The following WDPCP variants were observed in gnomAD, a reference collection of about 807,000 sequenced individuals.
WDPCP encodes WD repeat-containing and planar cell polarity effector protein fritz homolog.
WDPCP carries 71 observed loss-of-function variants against 93.1 expected under a neutral mutation model. That is an observed-to-expected ratio of 0.76 (90% CI 0.63 to 0.93). The LOEUF (loss-of-function observed/expected upper bound fraction) is 0.93, where lower values mean the gene tolerates loss of function less well. Among genes scored for constraint, WDPCP ranks in the 40% least tolerant of loss-of-function variants. The pLI is 0.00. For synonymous variants in WDPCP, 315 were observed against 315.0 expected (o/e 1.00, Z 0.00); for missense variants, 844 against 887.4 (o/e 0.95, Z 0.62).
chr2:63,617,239 T>C (rs1709681699), intron 3 of WDPCP, among the ~76,000 whole-genome samples: 1 of 152,234 alleles, frequency 6.6e-6, no homozygotes. Context: ...TCAATTCAGC[T>C]ATGAAATTGA....
intron 3 of WDPCP, among the ~76,000 whole-genome samples, chr2:63,603,395 T>C (rs1709466383): frequency 6.6e-6 from 1 of 152,220 alleles, no homozygotes; most frequent in South Asian, 2.1e-4. Flanking sequence ...TTATGTGTGC[T>C]AAAGCTACAG....
intron 2 of WDPCP, among the ~76,000 whole-genome samples, chr2:63,657,551 A>T (rs1710183646): frequency 6.6e-6 from 1 of 152,010 alleles, no homozygotes. Context: ...TGTTCTGTGG[A>T]GAATAGACTG....
At chr2:63,323,838 CTAG>C (rs1161541885) in intron 12 of WDPCP, among the ~76,000 whole-genome samples, 2 of 152,088 alleles carry the variant, frequency 1.3e-5, no homozygotes, top group Non-Finnish European at 2.9e-5. Flanking sequence ...GGGAGGAAAA[CTAG>C]TATTTTTGCT....
At position 63,120,338 on chromosome 2, in the gene WDPCP, T is replaced by A. The variant is rs2153392949; in HGVS notation, c.*1668A>T. 6.6e-6 allele frequency among the ~76,000 whole-genome samples: 1 copy of A among 152,144 alleles called. No individual in the cohort carries two copies. The highest frequency in any genetic ancestry group is 6.5e-5 in the Admixed American group (1 of 15,280). The stretch of plus-strand genomic sequence containing the variant: ...TTCAGAGCAATAACAAAATGAAAAA[T>A]CTAATTTGAGTTTCACCTTTTTTTG... On this transcript the variant is annotated 3_prime_UTR_variant, in exon 18 of 18. Transcript: ENST00000272321.
intron 9 of WDPCP, among the ~76,000 whole-genome samples, chr2:63,416,916 C>T (rs1472209469): frequency 5.3e-5 from 8 of 152,082 alleles, no homozygotes; most frequent in Non-Finnish European, 7.4e-5. Context: ...CAGACAACAC[C>T]GTACAGTTAA....
intron 6 of WDPCP, among the ~76,000 whole-genome samples, chr2:63,459,839 C>T (rs1200685561): frequency 6.6e-6 from 1 of 151,292 alleles, no homozygotes; most frequent in Non-Finnish European, 1.5e-5. Context: ...ATGGCTTGAA[C>T]TTGGGAGGGG....
At position 63,205,455 on chromosome 2, in the gene WDPCP, TG is replaced by T. The variant is rs375717044; in HGVS notation, c.1916-30624del. Among the ~76,000 whole-genome samples, 19 of 152,352 alleles carry T rather than the reference TG, an allele frequency of 1.2e-4. No individual in the cohort carries two copies. The East Asian group carries it at 3.7e-3, about 29-fold the overall frequency. On this transcript the variant is annotated intron_variant, in intron 14 of 17. Coordinates refer to ENST00000272321, the MANE Select transcript of WDPCP (RefSeq NM_015910.7). Reference sequence around the variant, plus strand: ...TATCAATATTGATTCTTCCAATCCATGAACATGGAATATCTTTCTACTTTTT... The same window carrying T: ...TATCAATATTGATTCTTCCAATCCATAACATGGAATATCTTTCTACTTTTT...
rs143966782 is a variant in WDPCP at position 63,573,322 on chromosome 2, C to T, written c.75+14875G>A. ...CTCATTGCAACTTGTTGTGGGAAGT[C>T]AGGGGCCCTGAACGGAGGGACCGGC... On this transcript the variant is annotated intron_variant, in intron 1 of 17. Coordinates refer to ENST00000272321, the MANE Select transcript of WDPCP (RefSeq NM_015910.7). 1.4e-4 allele frequency among the ~76,000 whole-genome samples: 21 copies of T among 151,984 alleles called. No individual in the cohort carries two copies. The East Asian group carries it at 4.1e-3, about 29-fold the overall frequency.
At position 63,706,439 on chromosome 2, in the gene WDPCP, G is replaced by T. The variant is rs190303304; in HGVS notation, n.309-55601C>A. 1.1e-3 allele frequency among the ~76,000 whole-genome samples: 162 copies of T among 152,220 alleles called. 3 individuals carry two copies. The East Asian group carries it at 0.027, about 26-fold the overall frequency. On this transcript the variant is annotated intron_variant and non_coding_transcript_variant, in intron 2 of 4. Transcript: ENST00000467687. ...GATTTTGCAGTGGCTGATACCGGTT[G>T]TTCCTTTCTATGTTTAGTGCTTCCT...
intron 2 of WDPCP, among the ~76,000 whole-genome samples, chr2:63,732,115 A>G (rs138100667): frequency 1.0e-3 from 152 of 152,350 alleles, no homozygotes; most frequent in Admixed American, 2.0e-3. Flanking sequence ...CACTCTTACA[A>G]TAAAGTAGAA....
At chr2:63,127,528 T>C (rs769929627) in intron 17 of WDPCP, among the ~76,000 whole-genome samples, 1 of 151,888 alleles carries the variant, frequency 6.6e-6, no homozygotes, top group Non-Finnish European at 1.5e-5. Context: ...ATCAAGTAAA[T>C]TGATAAACTT....
At chr2:63,742,602 G>C (rs932186349) in intron 2 of WDPCP, among the ~76,000 whole-genome samples, 3 of 150,510 alleles carry the variant, frequency 2.0e-5, no homozygotes, top group African/African-American at 7.3e-5. Flanking sequence ...TGCCTACAAG[G>C]GTTCTTTTTT....
chr2:63,832,604 T>C (rs1209789727), upstream of WDPCP, among the ~76,000 whole-genome samples: 1 of 152,192 alleles, frequency 6.6e-6, no homozygotes, highest in East Asian at 1.9e-4. Context: ...AGTTGATTAT[T>C]TGCCATCCAA....
At chr2:63,252,108 C>A (rs778554720) in intron 14 of WDPCP, among the ~76,000 whole-genome samples, 3 of 152,150 alleles carry the variant, frequency 2.0e-5, no homozygotes, top group Non-Finnish European at 4.4e-5. Context: ...AGGCTTTACT[C>A]TTGGGATGCA....
chr2:63,391,045 C>T (rs936490981), intron 10 of WDPCP, among the ~76,000 whole-genome samples: 4 of 152,158 alleles, frequency 2.6e-5, no homozygotes, highest in African/African-American at 9.7e-5. Context: ...TTTTATGAGG[C>T]CAGCATCATC....
chr2:63,679,163 C>A (rs1179649489), intron 2 of WDPCP, among the ~76,000 whole-genome samples: 1 of 152,222 alleles, frequency 6.6e-6, no homozygotes, highest in African/African-American at 2.4e-5. Context: ...CCCAATACCC[C>A]TACTCAATCT....
intron 9 of WDPCP, among the ~76,000 whole-genome samples, chr2:63,419,897 T>C (rs1409362431): frequency 6.6e-6 from 1 of 152,214 alleles, no homozygotes; most frequent in Non-Finnish European, 1.5e-5. Context: ...AAACATTTAA[T>C]GTTTCGATTA....
chr2:63,730,992 C>T (rs774040710), intron 2 of WDPCP, among the ~76,000 whole-genome samples: 3 of 151,830 alleles, frequency 2.0e-5, no homozygotes, highest in Non-Finnish European at 4.4e-5. Flanking sequence ...AGAATGAGGC[C>T]GGGTACGGTG....
chr2:63,515,956 G>T (rs1702523899), intron 1 of WDPCP, among the ~76,000 whole-genome samples: 1 of 150,996 alleles, frequency 6.6e-6, no homozygotes, highest in African/African-American at 2.4e-5. Context: ...GGATACGGAG[G>T]TTGCAGTGAG....
Sources: allele counts gnomAD v4.1 joint callset (sites outside exome capture counted in the v4.1 genomes callset), GRCh38; gene constraint gnomAD v4.1.1; transcripts MANE v1.5; gene names NCBI Gene and HGNC (gene_info 2026-07-23, HGNC 2026-07-21).